MSN: variants seen among roughly 807,000 people sequenced by gnomAD.
The protein encoded by MSN is moesin, also known as epididymis luminal protein 70.
MSN carries 2 observed loss-of-function variants against 48.0 expected under a neutral mutation model. That is an observed-to-expected ratio of 0.04 (90% CI 0.02 to 0.13). The LOEUF is 0.13. Ranked by LOEUF, MSN falls within the 10% of genes least tolerant of loss-of-function variation. MSN has a pLI of 1.00. For missense variants in MSN, 267 were observed against 470.1 expected (o/e 0.57, Z 3.99); for synonymous variants, 146 against 166.9 (o/e 0.87, Z 0.97).
At chrX:65,728,059 C>T in intron 3 of MSN, 150 bp downstream of exon 3, 1 of 453,460 alleles carries the variant, frequency 2.2e-6, no homozygotes, top group South Asian at 4.2e-5. Flanking sequence ...AGAATAAGGA[C>T]CGAGGACACA....
chrX:65,649,629 G>A lies in MSN; in HGVS notation c.-22+61017G>A, dbSNP rs752994317. On this transcript the variant is annotated intron_variant, in intron 1 of 3. Coordinates refer to the MSN transcript ENST00000609672. ...TTTGTGTGTGTGTGTGTGTGTATGC[G>A]CGTGTGTATATGTATGTGTGTGTAT... 1.9e-4 allele frequency among the ~76,000 whole-genome samples: 20 copies of A among 103,565 alleles called. No homozygotes were observed. The South Asian group carries it at 5.2e-3, about 27-fold the overall frequency. The allele number at this position is 103,565 out of a possible 115,157, so 89.9% of individuals were successfully genotyped here.
chrX:65,597,446 T>A (rs1256419920), intron 1 of MSN, among the ~76,000 whole-genome samples: 1 of 110,617 alleles, frequency 9.0e-6, no homozygotes, highest in Non-Finnish European at 1.9e-5. Flanking sequence ...TCCTGAGCTC[T>A]GGTGATTCTC....
At chrX:65,653,747 A>C (rs948372803) in intron 1 of MSN, among the ~76,000 whole-genome samples, 7 of 110,348 alleles carry the variant, frequency 6.3e-5, no homozygotes, top group Non-Finnish European at 3.8e-5. Flanking sequence ...CCACATACAC[A>C]TAGCTATGAC....
At chrX:65,644,903 C>T (rs187237012) in intron 1 of MSN, among the ~76,000 whole-genome samples, 2 of 112,577 alleles carry the variant, frequency 1.8e-5, no homozygotes, top group Admixed American at 9.4e-5. Context: ...GGTGTCAGAA[C>T]ACCATGAAGG....
intron 10 of MSN, among the ~76,000 whole-genome samples, chrX:65,737,859 C>G (rs926514884): frequency 1.8e-5 from 2 of 112,161 alleles, no homozygotes; most frequent in African/African-American, 6.5e-5. Flanking sequence ...AAATCACATG[C>G]AAAACTATGT....
chrX:65,620,254 C>A (rs1262876284), intron 1 of MSN, among the ~76,000 whole-genome samples: 2 of 112,717 alleles, frequency 1.8e-5, no homozygotes, highest in Non-Finnish European at 3.8e-5. Context: ...AGCTTCCCGG[C>A]TGCTTTGTTT....
chrX:65,736,870 G>A lies in MSN; in HGVS notation c.1035G>A (p.Glu345=). Residue 345 remains glutamate, a synonymous_variant, in exon 9 of 13, where the codon GAG becomes GAA. Transcript: ENST00000360270. ...KEKEKIEREK[E]ELMERLKQIE... is the part of the protein sequence containing the mutation. ...AAGAGAAGATTGAACGGGAGAAGGA[G>A]GAGCTGATGGAGAGGCTGAAGCAGA... 2 of 1,190,220 alleles carry A rather than the reference G, an allele frequency of 1.7e-6. No homozygotes were observed. The highest frequency in any genetic ancestry group is 2.3e-6 in the Non-Finnish European group (2 of 883,446).
At chrX:65,731,286 G>A (rs1386497039) in intron 5 of MSN, 96 bp downstream of exon 5, 5 of 723,471 alleles carry the variant, frequency 6.9e-6, no homozygotes, top group Non-Finnish European at 1.0e-5. Context: ...GGACATTGGT[G>A]GATGTTGGAG....
intron 1 of MSN, among the ~76,000 whole-genome samples, chrX:65,677,589 C>G (rs1317617781): frequency 1.8e-5 from 2 of 110,096 alleles, no homozygotes; most frequent in Non-Finnish European, 3.8e-5. Flanking sequence ...GAAACCTTGT[C>G]TCTACTAAAA....
chrX:65,648,671 G>C (rs1190743389), intron 1 of MSN, among the ~76,000 whole-genome samples: 1 of 111,063 alleles, frequency 9.0e-6, no homozygotes. Flanking sequence ...AGAAGATCAA[G>C]ACCATCCTGG....
At chrX:65,711,223 T>C (rs1450328015) in intron 1 of MSN, among the ~76,000 whole-genome samples, 1 of 111,940 alleles carries the variant, frequency 8.9e-6, no homozygotes, top group Admixed American at 9.5e-5. Context: ...CACGCCCAGC[T>C]AATTTTTTTG....
chrX:65,629,069 CAAAA>C (rs1246130053), intron 1 of MSN, among the ~76,000 whole-genome samples: 1 of 70,556 alleles, frequency 1.4e-5, no homozygotes, highest in Non-Finnish European at 2.8e-5. Context: ...GACTCCATCT[CAAAA>C]AAAAAAAAAA....
chrX:65,702,067 C>T (rs1362339690), intron 1 of MSN, among the ~76,000 whole-genome samples: 1 of 104,649 alleles, frequency 9.6e-6, no homozygotes, highest in Non-Finnish European at 2.0e-5. Flanking sequence ...TGCTGCAGGA[C>T]AGTGGTGCAA....
At chrX:65,684,233 C>T (rs953933312) in intron 1 of MSN, among the ~76,000 whole-genome samples, 8 of 110,121 alleles carry the variant, frequency 7.3e-5, no homozygotes, top group South Asian at 3.8e-4. Context: ...TGAGCCACTG[C>T]GCCCAGCCCA....
In MSN at chrX:65,715,103, C is replaced by T. The variant is rs990209843; in HGVS notation, c.13-1715C>T. Among the ~76,000 whole-genome samples, 3 of 111,002 alleles carry T rather than the reference C, an allele frequency of 2.7e-5. No homozygotes were observed. The East Asian group carries it at 8.5e-4, about 31-fold the overall frequency. On this transcript the variant is annotated intron_variant, in intron 1 of 12. Coordinates refer to ENST00000360270, the MANE Select transcript of MSN (RefSeq NM_002444.3). The stretch of plus-strand genomic sequence containing the variant: ...TCCTTTTTCCATTGCTTGTTTTTGT[C>T]GACTTTGTCAAAGATCAGATGGTTG...
At position 65,717,493 on chromosome X, in the gene MSN, A is replaced by T. The variant is rs1468646466; in HGVS notation, c.96+592A>T. On this transcript the variant is annotated intron_variant, in intron 2 of 12. Coordinates refer to ENST00000360270, the MANE Select transcript of MSN (RefSeq NM_002444.3). ...CATCTCCTACAGGCATGCCATGAAGATAATTGCTTACTCGCCATAGTGAAG... is the reference window on the plus strand; with the variant it reads ...CATCTCCTACAGGCATGCCATGAAGTTAATTGCTTACTCGCCATAGTGAAG... Among the ~76,000 whole-genome samples the T allele has an allele frequency of 5.3e-5, 6 of 112,434 alleles. No individual in the cohort carries two copies. In the East Asian group the frequency reaches 1.7e-3, roughly 31 times the overall value.
chrX:65,741,781 A>G lies in MSN; in HGVS notation c.*1888A>G. On this transcript the variant is annotated 3_prime_UTR_variant, in exon 13 of 13. Coordinates refer to ENST00000360270, the MANE Select transcript of MSN (RefSeq NM_002444.3). ...TATTAATAGCTGCCTTAAAGTCAGT[A>G]ACTTACCCTTAGGGAGGCTGGGGGA... 6.0e-6 allele frequency: 1 copy of G among 167,454 alleles called. No homozygotes were observed. Among genetic ancestry groups the G allele is most frequent in the East Asian group, 8.6e-5 (1 of 11,575 alleles). The allele number at this position is 167,454 out of a possible 1,213,427, so 13.8% of individuals were successfully genotyped here. A position where few individuals can be genotyped will look rare whatever the true frequency, so the allele number is the denominator to read the frequency against.
intron 1 of MSN, among the ~76,000 whole-genome samples, chrX:65,661,718 A>G (rs2070825321): frequency 1.8e-5 from 2 of 111,874 alleles, no homozygotes; most frequent in African/African-American, 3.2e-5. Context: ...ACACATCCCC[A>G]TTTACCATAG....
chrX:65,657,182 G>A (rs2070788085), intron 1 of MSN, among the ~76,000 whole-genome samples: 1 of 111,600 alleles, frequency 9.0e-6, no homozygotes, highest in Non-Finnish European at 1.9e-5. Flanking sequence ...GCAGGGGTCA[G>A]GCAGAGTTAA....
Sources: allele counts gnomAD v4.1 joint callset (sites outside exome capture counted in the v4.1 genomes callset), GRCh38; gene constraint gnomAD v4.1.1; transcripts MANE v1.5; gene names NCBI Gene and HGNC (gene_info 2026-07-23, HGNC 2026-07-21).